Variants in CNGA1 observed in about 807,000 individuals in gnomAD.
CNGA1 encodes cyclic nucleotide gated channel subunit alpha 1, also known as cyclic nucleotide-gated channel alpha-1.
Under a neutral mutation model 69.7 loss-of-function variants are expected in CNGA1, and 53 were observed. The observed-to-expected ratio is 0.76, with a 90% CI of 0.61 to 0.96. The LOEUF (loss-of-function observed/expected upper bound fraction) is 0.96, where lower values mean the gene tolerates loss of function less well. Among genes scored for constraint, CNGA1 ranks in the 40% least tolerant of loss-of-function variants. CNGA1 has a pLI of 0.00. For synonymous variants in CNGA1, 249 were observed against 283.5 expected, an observed-to-expected ratio of 0.88 and a Z score of 1.22; for missense variants, 739 against 811.2, an observed-to-expected ratio of 0.91 and a Z score of 1.08.
At position 47,952,666 on chromosome 4, in the gene CNGA1, T is replaced by A; in HGVS notation, c.24A>T (p.Thr8=). 1 of 1,606,508 alleles carries A rather than the reference T, an allele frequency of 6.2e-7. No homozygotes were observed. Among genetic ancestry groups the A allele is most frequent in the Non-Finnish European group, 8.5e-7 (1 of 1,174,908 alleles). ...TGGGCATGGTTACAAAAGACTGCTG[T>A]GTATTGATAATATTGTTCTTCATGG... MKNNIIN[T]QQSFVTMPNV... The change falls in exon 4 of 11, where the codon ACA becomes ACT. Residue 8 remains threonine (T), a synonymous_variant. Transcript: ENST00000514170.
chr4:47,938,143 TC>T (rs1479306317), intron 10 of CNGA1, among the ~76,000 whole-genome samples: 2 of 148,472 alleles, frequency 1.3e-5, no homozygotes, highest in East Asian at 3.9e-4. Context: ...ACTACTGCAT[TC>T]CAGCCTGGGC....
chr4:47,967,203 T>C (rs1232218140), intron 3 of CNGA1, among the ~76,000 whole-genome samples: 6 of 152,142 alleles, frequency 3.9e-5, no homozygotes, highest in Non-Finnish European at 1.5e-5. Flanking sequence ...CTTGGAAAGC[T>C]GAGGCAGGAG....
chr4:47,982,275 A>C (rs1304446761), intron 2 of CNGA1, among the ~76,000 whole-genome samples: 3 of 152,230 alleles, frequency 2.0e-5, no homozygotes, highest in Non-Finnish European at 4.4e-5. Context: ...TAGCTCCAAA[A>C]ATACATCATG....
At chr4:47,957,111 T>C (rs1044898081) in intron 3 of CNGA1, among the ~76,000 whole-genome samples, 10 of 152,018 alleles carry the variant, frequency 6.6e-5, no homozygotes, top group African/African-American at 2.4e-4. Flanking sequence ...TTTTTTTGTA[T>C]TTTTAGTAGA....
At chr4:47,995,588 T>C (rs1215228319) in intron 2 of CNGA1, among the ~76,000 whole-genome samples, 1 of 151,930 alleles carries the variant, frequency 6.6e-6, no homozygotes, top group Non-Finnish European at 1.5e-5. Context: ...GGGCTTCATC[T>C]TTCTGTGGTG....
At chr4:47,973,300 T>C (rs1206864734) in intron 3 of CNGA1, among the ~76,000 whole-genome samples, 3 of 152,100 alleles carry the variant, frequency 2.0e-5, no homozygotes, top group Non-Finnish European at 4.4e-5. Flanking sequence ...TGGTTTGAAC[T>C]CCTGACCTCA....
At chr4:47,953,097 C>T (rs541021633) in intron 3 of CNGA1, among the ~76,000 whole-genome samples, 1 of 152,226 alleles carries the variant, frequency 6.6e-6, no homozygotes, top group African/African-American at 2.4e-5. Context: ...TTATGGGAGC[C>T]GCACTTTAAG....
chr4:47,989,202 C>G (rs1024249990), intron 2 of CNGA1, among the ~76,000 whole-genome samples: 2 of 152,048 alleles, frequency 1.3e-5, no homozygotes, highest in African/African-American at 4.8e-5. Context: ...TGTAAACTGC[C>G]AAAAATGAGG....
chr4:47,973,323 G>A (rs993955356), intron 3 of CNGA1, among the ~76,000 whole-genome samples: 5 of 151,962 alleles, frequency 3.3e-5, no homozygotes, highest in Admixed American at 6.6e-5. Flanking sequence ...TGATCCGCCC[G>A]CCTCAGCCTC....
chr4:47,996,707 T>A (rs1004848472), intron 2 of CNGA1, among the ~76,000 whole-genome samples: 2 of 151,776 alleles, frequency 1.3e-5, no homozygotes, highest in African/African-American at 4.8e-5. Context: ...AAATCCAGAG[T>A]AAGGAAAAAA....
At chr4:47,945,180 T>A (rs980867140) in intron 6 of CNGA1, among the ~76,000 whole-genome samples, 2 of 152,036 alleles carry the variant, frequency 1.3e-5, no homozygotes, top group Non-Finnish European at 2.9e-5. Flanking sequence ...CCGGGCAACA[T>A]AGCAAGACCC....
intron 1 of CNGA1, among the ~76,000 whole-genome samples, chr4:48,011,745 G>A (rs1271336812): frequency 6.6e-6 from 1 of 152,178 alleles, no homozygotes; most frequent in African/African-American, 2.4e-5. Context: ...AAAACCAGGT[G>A]GGTGTGGGGG....
At chr4:48,010,099 T>G (rs1234574243) in intron 2 of CNGA1, among the ~76,000 whole-genome samples, 1 of 152,116 alleles carries the variant, frequency 6.6e-6, no homozygotes, top group South Asian at 2.1e-4. Context: ...AATTTAGATA[T>G]TAAATGAAAC....
intron 3 of CNGA1, among the ~76,000 whole-genome samples, chr4:47,965,429 CTTT>C (rs201467914): frequency 3.5e-5 from 5 of 141,216 alleles, no homozygotes; most frequent in Non-Finnish European, 4.7e-5. Context: ...ATAAGTTATT[CTTT>C]TTTTTTTTTT....
At chr4:47,968,713 A>G (rs1357391241) in intron 3 of CNGA1, among the ~76,000 whole-genome samples, 1 of 152,130 alleles carries the variant, frequency 6.6e-6, no homozygotes, top group Non-Finnish European at 1.5e-5. Flanking sequence ...ATCATGGGAG[A>G]CACCTCCTGA....
chr4:48,006,829 G>T (rs1714940685), intron 2 of CNGA1, among the ~76,000 whole-genome samples: 1 of 151,856 alleles, frequency 6.6e-6, no homozygotes, highest in African/African-American at 2.4e-5. Flanking sequence ...CACCATGTTG[G>T]CCAGGCTGGT....
intron 2 of CNGA1, among the ~76,000 whole-genome samples, chr4:47,990,053 G>A (rs1007926527): frequency 2.6e-5 from 4 of 151,962 alleles, no homozygotes; most frequent in South Asian, 2.1e-4. Context: ...TTGCATTAAC[G>A]GTACAAATTG....
intron 2 of CNGA1, among the ~76,000 whole-genome samples, chr4:47,983,598 C>T (rs1306714851): frequency 2.0e-5 from 3 of 150,518 alleles, no homozygotes; most frequent in African/African-American, 7.4e-5. Flanking sequence ...TCAAAAACAA[C>T]AACAACAAAA....
At position 47,968,101 on chromosome 4, in the gene CNGA1, C is replaced by T. The variant is rs1346527131; in HGVS notation, c.-15+13292G>A. 2.0e-5 allele frequency among the ~76,000 whole-genome samples: 3 copies of T among 152,254 alleles called. No individual in the cohort carries two copies. The South Asian group carries it at 6.2e-4, about 32-fold the overall frequency. On this transcript the variant is annotated intron_variant, in intron 3 of 10. Coordinates refer to ENST00000514170, the MANE Select transcript of CNGA1 (RefSeq NM_001379270.1). ...ACAAATCCAAAGATGAGTATGCCCC[C>T]CAACTAGTAGTGTAGTAGAGGACTA... is the stretch of plus-strand genomic sequence containing the variant.
Sources: allele counts gnomAD v4.1 joint callset (sites outside exome capture counted in the v4.1 genomes callset), GRCh38; gene constraint gnomAD v4.1.1; transcripts MANE v1.5; gene names NCBI Gene and HGNC (gene_info 2026-07-23, HGNC 2026-07-21).